The following GPC6 variants were observed in gnomAD, a reference collection of about 807,000 sequenced individuals.
GPC6 encodes glypican-6.
GPC6 carries 14 observed loss-of-function variants against 55.2 expected under a neutral mutation model. The ratio of observed to expected loss-of-function variants is 0.25; its 90% CI spans 0.17 to 0.40. GPC6 has a LOEUF of 0.40. GPC6 is among the 10% of genes least tolerant of loss of function. The pLI is 1.00. For synonymous variants in GPC6, 278 were observed against 259.6 expected (o/e 1.07, Z -0.68); for missense variants, 641 against 708.5 (o/e 0.90, Z 1.08).
chr13:94,085,346 G>A (rs2039103), intron 4 of GPC6, among the ~76,000 whole-genome samples: 113,852 of 137,232 alleles, frequency 0.83, 47,238 homozygotes, highest in South Asian at 0.89. Flanking sequence ...AAAAAAAAAG[G>A]GAAGAAAAAG....
chr13:94,177,543 A>T (rs1888822171), intron 4 of GPC6, among the ~76,000 whole-genome samples: 1 of 151,958 alleles, frequency 6.6e-6, no homozygotes, highest in African/African-American at 2.4e-5. Flanking sequence ...AAACTTACTA[A>T]AAAAAAACAA....
At chr13:93,333,816 G>A (rs1879945309) in intron 1 of GPC6, among the ~76,000 whole-genome samples, 1 of 152,106 alleles carries the variant, frequency 6.6e-6, no homozygotes, top group South Asian at 2.1e-4. Context: ...TAGATTACAG[G>A]CATGAGCCAG....
At chr13:93,489,712 T>G (rs1364654615) in intron 1 of GPC6, among the ~76,000 whole-genome samples, 1 of 151,560 alleles carries the variant, frequency 6.6e-6, no homozygotes, top group Non-Finnish European at 1.5e-5. Flanking sequence ...GATTCCTAGG[T>G]ATTTTATTCT....
intron 4 of GPC6, among the ~76,000 whole-genome samples, chr13:94,118,996 ATGTGTGTGTGTGTG>A (rs4001790): frequency 3.3e-5 from 5 of 150,528 alleles, no homozygotes; most frequent in East Asian, 3.9e-4. Flanking sequence ...TACATTATGT[ATGTGTGTGTGTGTG>A]TGTGTGTGTG....
chr13:93,535,724 A>G (rs1210997162), intron 1 of GPC6, among the ~76,000 whole-genome samples: 1 of 150,108 alleles, frequency 6.7e-6, no homozygotes, highest in Non-Finnish European at 1.5e-5. Context: ...GATTTTCCTT[A>G]GCTTCTCTGA....
chr13:94,102,537 T>TA, intron 4 of GPC6, among the ~76,000 whole-genome samples: 1 of 151,986 alleles, frequency 6.6e-6, no homozygotes, highest in African/African-American at 2.4e-5. Flanking sequence ...TGGACCTAGC[T>TA]AAAAACTAAG....
At chr13:94,398,337 C>G in intron 7 of GPC6, 129 bp from the exon 8 acceptor site, 2 of 711,922 alleles carry the variant, frequency 2.8e-6, no homozygotes, top group South Asian at 1.6e-5. Context: ...TTTCCAGGAA[C>G]TAGATCCAGT....
At chr13:94,251,573 C>G (rs1209741853) in intron 4 of GPC6, among the ~76,000 whole-genome samples, 1 of 151,768 alleles carries the variant, frequency 6.6e-6, no homozygotes, top group Non-Finnish European at 1.5e-5. Flanking sequence ...TGTTTTTCAC[C>G]TTATTATTTT....
At chr13:94,331,373 C>T (rs889659192) in intron 6 of GPC6, among the ~76,000 whole-genome samples, 66 of 152,108 alleles carry the variant, frequency 4.3e-4, no homozygotes, top group African/African-American at 1.5e-3. Flanking sequence ...GAAGTTTGCC[C>T]GTCCCTGATT....
At chr13:93,334,113 C>T (rs1347777186) in intron 1 of GPC6, among the ~76,000 whole-genome samples, 1 of 152,018 alleles carries the variant, frequency 6.6e-6, no homozygotes, top group East Asian at 1.9e-4. Context: ...AACAAATTTT[C>T]ATTACTCTTT....
intron 1 of GPC6, among the ~76,000 whole-genome samples, chr13:93,335,607 T>C (rs767108122): frequency 6.6e-6 from 1 of 152,224 alleles, no homozygotes; most frequent in Non-Finnish European, 1.5e-5. Context: ...AAATAGGTCC[T>C]CTGACCTCTT....
intron 3 of GPC6, among the ~76,000 whole-genome samples, chr13:93,898,371 T>C (rs576660142): frequency 6.6e-6 from 1 of 152,240 alleles, no homozygotes; most frequent in African/African-American, 2.4e-5. Context: ...AATGTAATCA[T>C]TTTCAGACAG....
At chr13:93,260,560 A>G (rs1877110634) in intron 1 of GPC6, among the ~76,000 whole-genome samples, 1 of 152,108 alleles carries the variant, frequency 6.6e-6, no homozygotes, top group South Asian at 2.1e-4. Flanking sequence ...AAAACTACTC[A>G]TGTCCTCAAT....
chr13:93,867,646 A>G (rs1889009853), intron 3 of GPC6, among the ~76,000 whole-genome samples: 1 of 151,764 alleles, frequency 6.6e-6, no homozygotes, highest in Non-Finnish European at 1.5e-5. Flanking sequence ...CATCTATTAC[A>G]GCCTTGACCG....
chr13:93,490,206 T>C (rs1229374264), intron 1 of GPC6, among the ~76,000 whole-genome samples: 1 of 151,554 alleles, frequency 6.6e-6, no homozygotes, highest in African/African-American at 2.4e-5. Context: ...AAAGGCCTTT[T>C]CTGCCTCTAT....
chr13:93,811,941 A>T (rs1374734129), intron 2 of GPC6, among the ~76,000 whole-genome samples: 1 of 152,140 alleles, frequency 6.6e-6, no homozygotes, highest in Non-Finnish European at 1.5e-5. Flanking sequence ...AGAGAAAGAC[A>T]TGAGGCATAT....
intron 4 of GPC6, among the ~76,000 whole-genome samples, chr13:94,189,759 C>T (rs934044698): frequency 2.6e-5 from 4 of 152,294 alleles, no homozygotes; most frequent in Admixed American, 6.5e-5. Context: ...CGGTGGCTTA[C>T]GCCTGTAATC....
chr13:94,305,370 A>T (rs1376587858), intron 5 of GPC6, among the ~76,000 whole-genome samples: 1 of 152,224 alleles, frequency 6.6e-6, no homozygotes, highest in Non-Finnish European at 1.5e-5. Flanking sequence ...AACTCATAGC[A>T]CTATAACTCA....
At chr13:94,355,413 T>G (rs1377866745) in intron 6 of GPC6, among the ~76,000 whole-genome samples, 1 of 152,162 alleles carries the variant, frequency 6.6e-6, no homozygotes, top group Non-Finnish European at 1.5e-5. Flanking sequence ...CAAGTGTCAG[T>G]TACCTTTTAT....
Sources: allele counts gnomAD v4.1 joint callset (sites outside exome capture counted in the v4.1 genomes callset), GRCh38; gene constraint gnomAD v4.1.1; transcripts MANE v1.5; gene names NCBI Gene and HGNC (gene_info 2026-07-23, HGNC 2026-07-21).